Variants in TSGA10 observed in about 807,000 individuals in gnomAD.
The protein encoded by TSGA10 is testis specific 10.
In TSGA10, 43 loss-of-function variants were observed where a neutral mutation model predicts 96.6. The observed-to-expected ratio is 0.44, with a 90% CI of 0.35 to 0.57. TSGA10 has a LOEUF of 0.57. TSGA10 is among the 20% of genes least tolerant of loss of function. TSGA10 has a pLI of 0.01. For missense variants in TSGA10, 703 were observed against 834.4 expected (o/e 0.84, Z 1.94); for synonymous variants, 229 against 269.9 (o/e 0.85, Z 1.48).
intron 12 of TSGA10, 90 bp from the exon 13 acceptor site, chr2:99,073,163 CT>C: frequency 1.2e-6 from 1 of 834,354 alleles, no homozygotes; most frequent in Non-Finnish European, 1.9e-6. Context: ...TTCCCTTTCC[CT>C]TTAGGTTTCC....
intron 15 of TSGA10, among the ~76,000 whole-genome samples, chr2:99,066,741 A>T (rs1390308021): frequency 6.6e-6 from 1 of 152,112 alleles, no homozygotes; most frequent in Non-Finnish European, 1.5e-5. Context: ...GCAACACTAT[A>T]AAGAAAATGA....
intron 16 of TSGA10, among the ~76,000 whole-genome samples, chr2:99,048,126 C>T (rs990890048): frequency 2.0e-5 from 3 of 152,046 alleles, no homozygotes; most frequent in African/African-American, 7.2e-5. Context: ...GAATCAATAT[C>T]GTGAAAATGG....
At chr2:99,140,172 T>C (rs1020214724) in intron 1 of TSGA10, among the ~76,000 whole-genome samples, 4 of 152,236 alleles carry the variant, frequency 2.6e-5, no homozygotes, top group African/African-American at 9.6e-5. Context: ...TGTACCGTCC[T>C]AGTTATTTCC....
intron 4 of TSGA10, chr2:99,116,979 T>C (rs1318617213): frequency 6.6e-6 from 1 of 152,202 alleles, no homozygotes; most frequent in Non-Finnish European, 1.5e-5. Flanking sequence ...ATTTATATCT[T>C]CTCTATAACT....
chr2:99,136,095 C>A (rs969620662), intron 1 of TSGA10, among the ~76,000 whole-genome samples: 1 of 151,418 alleles, frequency 6.6e-6, no homozygotes, highest in Non-Finnish European at 1.5e-5. Context: ...TAGAATAGTG[C>A]CTGGCACATG....
Position 99,081,272 on chromosome 2 carries a change from A to T in TSGA10, c.727+10T>A. 4 of 1,481,930 alleles carry T rather than the reference A, an allele frequency of 2.7e-6. No homozygotes were observed. Among genetic ancestry groups the T allele is most frequent in the Non-Finnish European group, 3.7e-6 (4 of 1,089,736 alleles). The allele number at this position is 1,481,930 out of a possible 1,614,324, so 91.8% of individuals were successfully genotyped here. On this transcript the variant is annotated intron_variant, in intron 11 of 20. Transcript: ENST00000393483. ...AAAACTAAAAGTAATATTAAGAGAA[A>T]AAAACTCACCAATTTTTTCATCCAA...
At chr2:99,075,487 T>C (rs928096958) in intron 12 of TSGA10, among the ~76,000 whole-genome samples, 1 of 152,172 alleles carries the variant, frequency 6.6e-6, no homozygotes. Flanking sequence ...CCATGGATAC[T>C]AGAAAAAAAT....
chr2:99,028,211 A>G (rs1181885823), intron 17 of TSGA10, among the ~76,000 whole-genome samples: 2 of 152,224 alleles, frequency 1.3e-5, no homozygotes, highest in East Asian at 3.8e-4. Flanking sequence ...ATTAATTGCT[A>G]GCTGACTGTT....
chr2:99,084,481 TC>T (rs1393417968), intron 10 of TSGA10, among the ~76,000 whole-genome samples: 6 of 152,086 alleles, frequency 3.9e-5, no homozygotes, highest in African/African-American at 4.8e-5. Flanking sequence ...ATGCACTGGC[TC>T]CCCCTTTGCT....
intron 17 of TSGA10, among the ~76,000 whole-genome samples, chr2:99,022,342 A>C (rs1175206891): frequency 1.9e-4 from 29 of 150,930 alleles, no homozygotes; most frequent in Admixed American, 8.6e-4. Flanking sequence ...AAAAAAAAAA[A>C]AAAAAAAAAA....
intron 16 of TSGA10, among the ~76,000 whole-genome samples, chr2:99,056,027 C>T (rs2083944690): frequency 6.6e-6 from 1 of 151,706 alleles, no homozygotes; most frequent in Non-Finnish European, 1.5e-5. Context: ...TACGGTGAAA[C>T]CCCGTCTGTA....
intron 1 of TSGA10, chr2:99,141,559 GC>G (rs1559145869): frequency 6.5e-6 from 1 of 153,172 alleles, no homozygotes; most frequent in Non-Finnish European, 1.5e-5. Context: ...TCCGCGCCGC[GC>G]AGGCGCACGC....
At chr2:99,090,245 G>A (rs191190936) in intron 10 of TSGA10, among the ~76,000 whole-genome samples, 51 of 152,240 alleles carry the variant, frequency 3.3e-4, no homozygotes, top group African/African-American at 1.2e-3. Context: ...GTACCCCATG[G>A]GACAAAAGAA....
chr2:99,080,690 G>GC (rs1286424555), intron 11 of TSGA10, among the ~76,000 whole-genome samples: 3 of 151,998 alleles, frequency 2.0e-5, no homozygotes, highest in Admixed American at 2.0e-4. Flanking sequence ...CTATATAATA[G>GC]CAAGTGTTAA....
At position 99,127,183 on chromosome 2, in the gene TSGA10, C is replaced by T. The variant is rs1433007775; in HGVS notation, c.-620-7G>A. 7.8e-7 allele frequency: 1 copy of T among 1,277,238 alleles called. No individual in the cohort carries two copies. The highest frequency in any genetic ancestry group is 1.0e-6 in the Non-Finnish European group (1 of 985,082). The allele number at this position is 1,277,238 out of a possible 1,614,324, so 79.1% of individuals were successfully genotyped here. On this transcript the variant is annotated splice_region_variant and splice_polypyrimidine_tract_variant and intron_variant, in intron 1 of 20. Transcript: ENST00000393483. The stretch of plus-strand genomic sequence containing the variant: ...CATATTCTTTGGTGGTAACCTAGTA[C>T]AAAGAATGGGAAATAATACAGAGGC...
intron 16 of TSGA10, among the ~76,000 whole-genome samples, chr2:99,037,174 C>A (rs915622229): frequency 2.5e-4 from 38 of 152,270 alleles, no homozygotes; most frequent in African/African-American, 8.9e-4. Context: ...AGTACTTTAT[C>A]CAAAAACAGC....
At chr2:99,153,567 A>G (rs1208537061) in intron 1 of TSGA10, among the ~76,000 whole-genome samples, 1 of 152,078 alleles carries the variant, frequency 6.6e-6, no homozygotes, top group Non-Finnish European at 1.5e-5. Context: ...AGAAACTAGG[A>G]AAAAAAACCA....
intron 1 of TSGA10, among the ~76,000 whole-genome samples, chr2:99,131,877 T>C (rs868648499): frequency 6.6e-6 from 1 of 152,170 alleles, no homozygotes; most frequent in Non-Finnish European, 1.5e-5. Context: ...ATTGAGATAA[T>C]CATGTGGTTT....
intron 17 of TSGA10, among the ~76,000 whole-genome samples, chr2:99,020,752 C>G (rs1044478715): frequency 2.0e-5 from 3 of 151,772 alleles, no homozygotes; most frequent in Non-Finnish European, 4.4e-5. Flanking sequence ...CTACTACCAG[C>G]TTTGATATTT....
Sources: allele counts gnomAD v4.1 joint callset (sites outside exome capture counted in the v4.1 genomes callset), GRCh38; gene constraint gnomAD v4.1.1; transcripts MANE v1.5; gene names NCBI Gene and HGNC (gene_info 2026-07-23, HGNC 2026-07-21).